The following TLE4 variants were observed in gnomAD, a reference collection of about 807,000 sequenced individuals.
TLE4 encodes transducin-like enhancer protein 4.
TLE4 carries 8 observed loss-of-function variants against 92.8 expected under a neutral mutation model. That is an observed-to-expected ratio of 0.09 (90% confidence interval 0.05 to 0.16). The LOEUF is 0.16. TLE4 is among the 10% of genes least tolerant of loss of function. TLE4 has a pLI of 1.00. For synonymous variants in TLE4, 371 were observed against 374.1 expected (o/e 0.99, Z 0.10); for missense variants, 675 against 997.6 (o/e 0.68, Z 4.36).
At chr9:79,626,325 A>G (rs1051718989) in intron 5 of TLE4, among the ~76,000 whole-genome samples, 8 of 152,214 alleles carry the variant, frequency 5.3e-5, no homozygotes, top group African/African-American at 1.7e-4. Flanking sequence ...TACTCATCTC[A>G]AATAAGTGAA....
chr9:79,623,956 A>AC (rs2133417536), intron 5 of TLE4, among the ~76,000 whole-genome samples: 1 of 152,200 alleles, frequency 6.6e-6, no homozygotes, highest in African/African-American at 2.4e-5. Context: ...GGCTGGACCC[A>AC]CCACTCTGGT....
At chr9:79,617,306 C>T (rs569049373) in intron 5 of TLE4, among the ~76,000 whole-genome samples, 62 of 151,802 alleles carry the variant, frequency 4.1e-4, no homozygotes, top group South Asian at 2.3e-3. Flanking sequence ...TTAGATTAAG[C>T]AGGAAATATT....
At chr9:79,640,980 C>G (rs1427516184) in intron 6 of TLE4, among the ~76,000 whole-genome samples, 1 of 151,772 alleles carries the variant, frequency 6.6e-6, no homozygotes, top group Non-Finnish European at 1.5e-5. Flanking sequence ...AATGGACAAG[C>G]AGATCAGTGG....
At chr9:79,662,836 C>T (rs11793510) in intron 8 of TLE4, among the ~76,000 whole-genome samples, 3,181 of 152,200 alleles carry the variant, frequency 0.021, 55 homozygotes, top group Non-Finnish European at 0.033. Flanking sequence ...TGATTGTCTC[C>T]GTGTGTTCTT....
intron 5 of TLE4, among the ~76,000 whole-genome samples, chr9:79,616,421 G>T (rs184553197): frequency 6.6e-6 from 1 of 152,154 alleles, no homozygotes; most frequent in South Asian, 2.1e-4. Flanking sequence ...ACCTACTGCC[G>T]TTGACTAGTG....
Position 79,677,760 on chromosome 9 carries a change from T to G in TLE4, c.609+23685T>G, listed in dbSNP as rs556510236. 5.3e-5 allele frequency among the ~76,000 whole-genome samples: 8 copies of G among 152,210 alleles called. No individual in the cohort carries two copies. The South Asian group carries it at 1.7e-3, about 32-fold the overall frequency. The stretch of plus-strand genomic sequence containing the variant: ...GTGGCATCTTCACAACTATCCTGTT[T>G]GTGAATTTTGTAGGCTTGTCATTGT... On this transcript the variant is annotated intron_variant, in intron 8 of 19. Coordinates refer to ENST00000376552, the MANE Select transcript of TLE4 (RefSeq NM_007005.6).
At chr9:79,712,298 A>T (rs906189918) in intron 14 of TLE4, among the ~76,000 whole-genome samples, 4 of 152,212 alleles carry the variant, frequency 2.6e-5, no homozygotes, top group Non-Finnish European at 5.9e-5. Context: ...GTAACAGAGC[A>T]TGAAGACGTA....
chr9:79,674,194 C>T (rs1018134692), intron 8 of TLE4, among the ~76,000 whole-genome samples: 9 of 152,108 alleles, frequency 5.9e-5, no homozygotes, highest in Non-Finnish European at 8.8e-5. Context: ...ACAGCTCTGC[C>T]CCTGCTAGCT....
intron 6 of TLE4, among the ~76,000 whole-genome samples, chr9:79,638,217 A>C (rs1196970801): frequency 2.0e-5 from 3 of 152,146 alleles, no homozygotes; most frequent in Non-Finnish European, 4.4e-5. Flanking sequence ...GTGGCTAGTC[A>C]GGAGATATAA....
At chr9:79,598,384 G>A (rs2044637887) in intron 4 of TLE4, among the ~76,000 whole-genome samples, 1 of 151,660 alleles carries the variant, frequency 6.6e-6, no homozygotes, top group Admixed American at 6.6e-5. Flanking sequence ...ACCTTGTGCT[G>A]ATACTACCCT....
chr9:79,686,681 A>G (rs988994572), intron 8 of TLE4, among the ~76,000 whole-genome samples: 2 of 152,214 alleles, frequency 1.3e-5, no homozygotes, highest in African/African-American at 4.8e-5. Context: ...GGAAGAGGCA[A>G]AGAAGCATTC....
intron 6 of TLE4, among the ~76,000 whole-genome samples, chr9:79,638,378 T>C (rs1221358827): frequency 6.6e-6 from 1 of 152,186 alleles, no homozygotes; most frequent in African/African-American, 2.4e-5. Flanking sequence ...ATAACAATTA[T>C]TTCATGAGAT....
chr9:79,698,097 G>T (rs1382273739), intron 8 of TLE4, among the ~76,000 whole-genome samples: 1 of 152,100 alleles, frequency 6.6e-6, no homozygotes, highest in South Asian at 2.1e-4. Flanking sequence ...TATCCTTATG[G>T]CAACTTACAA....
intron 6 of TLE4, 107 bp from the exon 7 acceptor site, chr9:79,652,486 C>A (rs576580917): frequency 4.7e-6 from 6 of 1,269,728 alleles, no homozygotes; most frequent in Non-Finnish European, 6.8e-6. Context: ...CGTGCCCAGC[C>A]GGTGTTGGCT....
At chr9:79,598,816 T>C (rs1245878941) in intron 4 of TLE4, among the ~76,000 whole-genome samples, 1 of 152,164 alleles carries the variant, frequency 6.6e-6, no homozygotes, top group Non-Finnish European at 1.5e-5. Flanking sequence ...GCGTTTGTTA[T>C]TGTGTTTATT....
intron 8 of TLE4, among the ~76,000 whole-genome samples, chr9:79,666,531 G>A (rs2061441441): frequency 1.3e-5 from 2 of 152,120 alleles, no homozygotes; most frequent in South Asian, 2.1e-4. Flanking sequence ...GAGCCATCAC[G>A]CCCCACCCCT....
intron 14 of TLE4, among the ~76,000 whole-genome samples, chr9:79,713,578 G>A (rs75613346): frequency 6.6e-6 from 1 of 152,294 alleles, no homozygotes; most frequent in Non-Finnish European, 1.5e-5. Context: ...GATCTTGGGT[G>A]TATGTTACTT....
intron 6 of TLE4, among the ~76,000 whole-genome samples, chr9:79,641,878 A>G (rs1281759551): frequency 6.6e-6 from 1 of 151,972 alleles, no homozygotes; most frequent in Non-Finnish European, 1.5e-5. Context: ...GGCCTGGTTT[A>G]GCGTTCTTCA....
intron 16 of TLE4, among the ~76,000 whole-genome samples, chr9:79,721,494 A>C (rs1281483328): frequency 6.6e-6 from 1 of 152,172 alleles, no homozygotes; most frequent in Admixed American, 6.5e-5. Flanking sequence ...TAGTAATATC[A>C]GTCATGTTTT....
Sources: gnomAD v4.1 joint callset for allele counts (sites outside exome capture counted in the v4.1 genomes callset) on GRCh38, gnomAD v4.1.1 for gene constraint, MANE v1.5 for transcripts, NCBI Gene and HGNC (gene_info 2026-07-23, HGNC 2026-07-21) for gene names.